ZNF148: variants seen among roughly 807,000 people sequenced by gnomAD.
The protein encoded by ZNF148 is Beta-Enolase Repressor Factor-1.
In ZNF148, 7 loss-of-function variants were observed where a neutral mutation model predicts 67.7. The ratio of observed to expected loss-of-function variants is 0.10; its 90% CI spans 0.06 to 0.19. The LOEUF (loss-of-function observed/expected upper bound fraction) is 0.19, where lower values mean the gene tolerates loss of function less well. ZNF148 is among the 10% of genes least tolerant of loss of function. The pLI, the probability that ZNF148 is intolerant of heterozygous loss-of-function variation, is 1.00. For synonymous variants in ZNF148, 333 were observed against 330.7 expected, an observed-to-expected ratio of 1.01 and a Z score of -0.08; for missense variants, 583 against 947.1, an observed-to-expected ratio of 0.62 and a Z score of 5.05.
At chr3:125,360,680 AT>A (rs1286229693) in intron 1 of ZNF148, among the ~76,000 whole-genome samples, 1 of 151,988 alleles carries the variant, frequency 6.6e-6, no homozygotes, top group Non-Finnish European at 1.5e-5. Context: ...ATATCAGCAT[AT>A]TACACATGAA....
At chr3:125,371,290 A>G (rs1214770265) in intron 1 of ZNF148, among the ~76,000 whole-genome samples, 1 of 134,070 alleles carries the variant, frequency 7.5e-6, no homozygotes, top group African/African-American at 2.8e-5. Flanking sequence ...CAGGAGGTGG[A>G]GGCTGCAGTG....
chr3:125,277,942 G>T, intron 6 of ZNF148, 133 bp from the exon 7 acceptor site: 1 of 568,696 alleles, frequency 1.8e-6, no homozygotes, highest in Non-Finnish European at 2.9e-6. Context: ...AATTTTTAAT[G>T]TTATTAACAG....
intron 5 of ZNF148, among the ~76,000 whole-genome samples, chr3:125,283,616 T>G (rs781001177): frequency 6.6e-6 from 1 of 152,132 alleles, no homozygotes; most frequent in Non-Finnish European, 1.5e-5. Flanking sequence ...CTTCCTTCAT[T>G]TTCTTACTAT....
At position 125,340,686 on chromosome 3, in the gene ZNF148, C is replaced by G. The variant is rs961308902; in HGVS notation, c.-233-9448G>C. ...TAGGGCCCAGAGCCTCCTAAGGTAA[C>G]AGATAAAATGTCCATGATGGCCGGG... is the stretch of plus-strand genomic sequence containing the variant. On this transcript the variant is annotated intron_variant, in intron 1 of 8. Transcript: ENST00000360647. Among the ~76,000 whole-genome samples the G allele has an allele frequency of 2.6e-5, 4 of 152,132 alleles. No individual in the cohort carries two copies. In the East Asian group the frequency reaches 7.7e-4, roughly 29 times the overall value.
At chr3:125,360,268 T>G (rs1280346547) in intron 1 of ZNF148, among the ~76,000 whole-genome samples, 5 of 152,156 alleles carry the variant, frequency 3.3e-5, no homozygotes, top group African/African-American at 1.2e-4. Context: ...CTTCATCTTT[T>G]TTTTTAGACA....
intron 4 of ZNF148, among the ~76,000 whole-genome samples, chr3:125,291,142 T>C (rs1938988722): frequency 1.3e-5 from 2 of 152,154 alleles, no homozygotes; most frequent in Non-Finnish European, 2.9e-5. Context: ...CTTGGAATCA[T>C]TTTAGACTCT....
chr3:125,330,836 G>C (rs1279251020), intron 2 of ZNF148, among the ~76,000 whole-genome samples: 1 of 152,004 alleles, frequency 6.6e-6, no homozygotes, highest in African/African-American at 2.4e-5. Context: ...CACCAACATA[G>C]GCCAACAAGA....
chr3:125,266,256 A>C (rs1215091984), intron 7 of ZNF148, among the ~76,000 whole-genome samples: 6 of 151,874 alleles, frequency 4.0e-5, no homozygotes, highest in African/African-American at 1.5e-4. Flanking sequence ...TCTACCCAAC[A>C]ACCATAGAAA....
intron 5 of ZNF148, among the ~76,000 whole-genome samples, chr3:125,282,279 C>A (rs1428389544): frequency 6.6e-6 from 1 of 152,150 alleles, no homozygotes; most frequent in Non-Finnish European, 1.5e-5. Context: ...AGAATGTGAT[C>A]TACCAGCTGA....
At chr3:125,356,434 A>G (rs1340996714) in intron 1 of ZNF148, among the ~76,000 whole-genome samples, 1 of 152,240 alleles carries the variant, frequency 6.6e-6, no homozygotes, top group Non-Finnish European at 1.5e-5. Flanking sequence ...AAATCTGCCC[A>G]GAAACAAGCA....
intron 5 of ZNF148, among the ~76,000 whole-genome samples, chr3:125,283,636 C>A (rs1372756352): frequency 6.6e-6 from 1 of 152,092 alleles, no homozygotes; most frequent in East Asian, 1.9e-4. Flanking sequence ...TTCCATACTT[C>A]CTGTTTGCAT....
At chr3:125,312,906 A>G (rs1488898598) in intron 4 of ZNF148, among the ~76,000 whole-genome samples, 1 of 152,208 alleles carries the variant, frequency 6.6e-6, no homozygotes, top group East Asian at 1.9e-4. Context: ...AGAGAATAGG[A>G]GCATATTAGA....
intron 7 of ZNF148, among the ~76,000 whole-genome samples, chr3:125,237,789 T>C (rs964207396): frequency 1.3e-5 from 2 of 152,050 alleles, no homozygotes; most frequent in African/African-American, 4.8e-5. Flanking sequence ...AAAACAGAAA[T>C]TGACGAACTA....
chr3:125,372,883 T>C (rs549006063), intron 1 of ZNF148, among the ~76,000 whole-genome samples: 132 of 152,194 alleles, frequency 8.7e-4, no homozygotes, highest in Non-Finnish European at 7.8e-4. Context: ...GGAGAATTGC[T>C]TGAACCCGGG....
intron 7 of ZNF148, among the ~76,000 whole-genome samples, chr3:125,253,582 A>G (rs770293532): frequency 7.2e-5 from 11 of 152,182 alleles, no homozygotes; most frequent in Non-Finnish European, 1.3e-4. Context: ...TGTTTGCTAC[A>G]TAGTCAGATA....
chr3:125,248,555 T>C (rs912960937), intron 7 of ZNF148, among the ~76,000 whole-genome samples: 3 of 152,238 alleles, frequency 2.0e-5, no homozygotes, highest in African/African-American at 2.4e-5. Context: ...TCAGAAAGCA[T>C]ACTTTTTTCA....
intron 1 of ZNF148, among the ~76,000 whole-genome samples, chr3:125,371,199 A>AT (rs35351859): frequency 0.013 from 985 of 76,310 alleles, 6 homozygotes; most frequent in African/African-American, 0.034. Context: ...TAAAAAATAC[A>AT]AAAAAAGTTA....
intron 1 of ZNF148, among the ~76,000 whole-genome samples, chr3:125,362,978 C>A (rs1307011668): frequency 6.6e-6 from 1 of 152,126 alleles, no homozygotes; most frequent in Non-Finnish European, 1.5e-5. Context: ...CTCTTCCTAG[C>A]CCAAATTGTG....
intron 2 of ZNF148, among the ~76,000 whole-genome samples, chr3:125,328,393 C>T (rs982738581): frequency 1.3e-5 from 2 of 151,998 alleles, no homozygotes; most frequent in African/African-American, 2.4e-5. Context: ...TAATAAATGA[C>T]AAGAGGCTCA....
Sources: allele counts gnomAD v4.1 joint callset (sites outside exome capture counted in the v4.1 genomes callset), GRCh38; gene constraint gnomAD v4.1.1; transcripts MANE v1.5; gene names NCBI Gene and HGNC (gene_info 2026-07-23, HGNC 2026-07-21).